SLF2: variants seen among roughly 807,000 people sequenced by gnomAD.
SLF2 encodes the protein SMC5-SMC6 complex localization factor protein 2.
A neutral mutation model predicts 124.3 loss-of-function variants in SLF2; 68 were observed. That is an observed-to-expected ratio of 0.55 (90% CI 0.45 to 0.67). The LOEUF (loss-of-function observed/expected upper bound fraction) is 0.67. SLF2 is among the 30% of genes least tolerant of loss of function. The pLI, the probability that SLF2 is intolerant of heterozygous loss-of-function variation, is 0.00. For missense variants in SLF2, 1,246 were observed against 1,373.7 expected (o/e 0.91, Z 1.47); for synonymous variants, 480 against 478.8 (o/e 1.00, Z -0.03).
At chr10:100,917,573 A>T (rs1195085776) in intron 3 of SLF2, among the ~76,000 whole-genome samples, 1 of 152,010 alleles carries the variant, frequency 6.6e-6, no homozygotes, top group African/African-American at 2.4e-5. Context: ...TTTTAAGGCA[A>T]GTATAGTCTT....
chr10:100,932,706 T>C (rs955962392), intron 9 of SLF2, among the ~76,000 whole-genome samples: 2 of 82,422 alleles, frequency 2.4e-5, no homozygotes, highest in African/African-American at 7.2e-5. Flanking sequence ...TGTGTGTGTG[T>C]GTGTGTGTGT....
chr10:100,918,319 AAG>A, intron 3 of SLF2, 63 bp from the exon 4 acceptor site: 2 of 1,020,490 alleles, frequency 2.0e-6, no homozygotes, highest in Non-Finnish European at 2.9e-6. Context: ...AAATGTTAGG[AAG>A]AATGCCTTCA....
intron 19 of SLF2, among the ~76,000 whole-genome samples, chr10:100,960,044 A>C (rs1298954379): frequency 6.6e-6 from 1 of 152,218 alleles, no homozygotes; most frequent in Admixed American, 6.5e-5. Context: ...AATGAGATAT[A>C]CTATGTAATC....
chr10:100,954,994 C>T (rs1352047278), intron 17 of SLF2, among the ~76,000 whole-genome samples: 2 of 148,942 alleles, frequency 1.3e-5, no homozygotes, highest in African/African-American at 2.5e-5. Context: ...GGCTGGAGTG[C>T]AGTGGCACAG....
intron 11 of SLF2, among the ~76,000 whole-genome samples, chr10:100,941,580 G>A (rs1315816447): frequency 6.6e-6 from 1 of 152,052 alleles, no homozygotes; most frequent in Admixed American, 6.6e-5. Flanking sequence ...GCAGGAACTC[G>A]CTCTCTACTA....
At chr10:100,944,214 G>T in intron 12 of SLF2, 86 bp downstream of exon 12, 1 of 864,260 alleles carries the variant, frequency 1.2e-6, no homozygotes, top group Non-Finnish European at 1.7e-6. Context: ...AAAAAGTCTC[G>T]GCCGGGCGCG....
chr10:100,917,837 T>C (rs1044283293), intron 3 of SLF2, among the ~76,000 whole-genome samples: 184 of 152,280 alleles, frequency 1.2e-3, no homozygotes, highest in African/African-American at 4.2e-3. Flanking sequence ...TCCTGTACTT[T>C]GGGAGGCCTA....
In SLF2 at chr10:100,924,179, C is replaced by A; in HGVS notation, c.1178C>A (p.Ser393Tyr). Residue 393 changes from serine (S) to tyrosine (Y), a missense_variant, in exon 5 of 20, where the codon TCC (serine) becomes TAC (tyrosine). By Grantham distance (144) the Ser-to-Tyr change is moderately radical. Transcript: ENST00000238961. ...GATGTGTTGCGCTTAGAAGATATAT[C>A]CAAGGAACCGAGTGATGAAACTGAT... ...PGDVLRLEDI[S>Y]KEPSDETDGS... 1 of 1,613,986 alleles carries A rather than the reference C, an allele frequency of 6.2e-7. No homozygotes were observed. Among genetic ancestry groups the A allele is most frequent in the Non-Finnish European group, 8.5e-7 (1 of 1,180,012 alleles).
chr10:100,917,139 T>C lies in SLF2; in HGVS notation c.754T>C (p.Leu252=), dbSNP rs1378323535. The change falls in exon 3 of 20, where the codon TTG becomes CTG. Residue 252 remains leucine, a synonymous_variant. Transcript: ENST00000238961. ...CTGCAGAGAACGAGAACTAAAGAGG[T>C]TGAGAAAGGAGCAAATGGAGCAGAG... ...SYCRERELKR[L]RKEQMEQRIN... The C allele has an allele frequency of 1.2e-6, 2 of 1,614,006 alleles. No homozygotes were observed. The highest frequency in any genetic ancestry group is 1.3e-5 in the African/African-American group (1 of 74,958).
At chr10:100,917,804 T>A (rs935407433) in intron 3 of SLF2, among the ~76,000 whole-genome samples, 5 of 152,142 alleles carry the variant, frequency 3.3e-5, no homozygotes, top group African/African-American at 4.8e-5. Flanking sequence ...CTTGAACCCC[T>A]GGCCTCAAGC....
chr10:100,924,400 A>G lies in SLF2; in HGVS notation c.1399A>G (p.Lys467Glu), dbSNP rs549251183. 2 of 1,614,152 alleles carry G rather than the reference A, an allele frequency of 1.2e-6. No homozygotes were observed. The highest frequency in any genetic ancestry group is 1.3e-5 in the African/African-American group (1 of 75,050). ...QKNKTASSTT[K>E]EKETKLPLLS... ...AAATAAAACCGCTAGCTCCACGACAAAGGAGAAGGAGACAAAACTACCTTT... is the reference window on the plus strand; with the variant it reads ...AAATAAAACCGCTAGCTCCACGACAGAGGAGAAGGAGACAAAACTACCTTT... The change falls in exon 5 of 20, where the codon AAG becomes GAG. Residue 467 changes from lysine (K) to glutamate (E), a missense_variant. Lys to Glu is a moderately conservative substitution (Grantham distance 56, BLOSUM62 1). This residue lies in a region of SLF2 where 698 missense variants were observed against 708.9 expected (regional missense o/e 0.98). Coordinates refer to ENST00000238961, the MANE Select transcript of SLF2 (RefSeq NM_018121.4).
Position 100,924,950 on chromosome 10 carries a change from G to T in SLF2, c.1949G>T (p.Arg650Ile). ...GKPPALSKGL[R>I]SQSSDYTGHV... ...CCTCCTGCTCTTTCCAAGGGGCTTA[G>T]ATCTCAGTCATCAGACTATACAGTA... Residue 650 changes from arginine (R) to isoleucine (I), a missense_variant, in exon 5 of 20, where the codon AGA (arginine) becomes ATA (isoleucine). Arg to Ile is a moderately conservative substitution (Grantham distance 97). Coordinates refer to ENST00000238961, the MANE Select transcript of SLF2 (RefSeq NM_018121.4). 1 of 1,613,348 alleles carries T rather than the reference G, an allele frequency of 6.2e-7. No homozygotes were observed. Among genetic ancestry groups the T allele is most frequent in the Non-Finnish European group, 8.5e-7 (1 of 1,179,882 alleles).
chr10:100,955,740 C>T (rs1045497203), intron 17 of SLF2, among the ~76,000 whole-genome samples: 2 of 152,036 alleles, frequency 1.3e-5, no homozygotes, highest in Admixed American at 6.6e-5. Flanking sequence ...AAACCTGTCT[C>T]TACTAAAAAT....
chr10:100,928,862 T>C (rs1197012743), intron 6 of SLF2, among the ~76,000 whole-genome samples: 1 of 152,212 alleles, frequency 6.6e-6, no homozygotes, highest in East Asian at 1.9e-4. Context: ...GTGATGATGA[T>C]GACAGTGACA....
Position 100,917,284 on chromosome 10 carries a change from A to G in SLF2, c.899A>G (p.Asn300Ser), listed in dbSNP as rs1162111982. The change falls in exon 3 of 20, where the codon AAT becomes AGT. Residue 300 changes from asparagine (N) to serine (S), a missense_variant. Asn to Ser is a conservative substitution (Grantham distance 46). Transcript: ENST00000238961. ...RKQNDIIPGK[N>S]NLSNVENGHL... is the part of the protein sequence containing the mutation. ...CAGAATGACATCATACCTGGAAAAA[A>G]TAATCTGTCAAATGTGGTATGTGTA... 2 of 1,610,026 alleles carry G rather than the reference A, an allele frequency of 1.2e-6. No homozygotes were observed. Among genetic ancestry groups the G allele is most frequent in the Admixed American group, 3.4e-5 (2 of 59,356 alleles).
chr10:100,921,052 A>G (rs1225322032), intron 4 of SLF2, among the ~76,000 whole-genome samples: 2 of 152,254 alleles, frequency 1.3e-5, no homozygotes. Context: ...TCACGCAATC[A>G]TTAATCACAT....
intron 15 of SLF2, among the ~76,000 whole-genome samples, chr10:100,948,067 A>G (rs957081006): frequency 6.6e-6 from 1 of 152,238 alleles, no homozygotes; most frequent in African/African-American, 2.4e-5. Context: ...GTGGTTGTGG[A>G]CAATCAGATG....
rs58244507 is a variant in SLF2 at position 100,965,089 on chromosome 10, ATG to A, written c.*3192_*3193del. 0.099 allele frequency: 14,820 copies of A among 148,964 alleles called. 960 individuals carry two copies. The highest frequency in any genetic ancestry group is 0.19 in the African/African-American group (7,693 of 40,294). The allele number at this position is 148,964 out of a possible 1,614,324, so 9.2% of individuals were successfully genotyped here. A position where few individuals can be genotyped will look rare whatever the true frequency, so the allele number is the denominator to read the frequency against. ...ACTACATCTTGTTAAAGTCCTATGA[ATG>A]TGTGTGTGTGTGTGCTATTAAAACT... On this transcript the variant is annotated 3_prime_UTR_variant, in exon 20 of 20. Transcript: ENST00000238961. The surrounding 1 kb of genome is among the most constrained non-coding windows in gnomAD (Gnocchi z 4.1).
At chr10:100,931,160 C>A in intron 9 of SLF2, 82 bp downstream of exon 9, 1 of 1,098,616 alleles carries the variant, frequency 9.1e-7, no homozygotes, top group Non-Finnish European at 1.3e-6. Flanking sequence ...TTTATTTGCA[C>A]ATTACTGCAG....
Sources: allele counts gnomAD v4.1 joint callset (sites outside exome capture counted in the v4.1 genomes callset), GRCh38; gene constraint gnomAD v4.1.1; regional missense constraint gnomAD v4.1.1; non-coding constraint Gnocchi (gnomAD v3.1); transcripts MANE v1.5; gene names NCBI Gene and HGNC (gene_info 2026-07-23, HGNC 2026-07-21).